Variants in TASP1 observed in about 807,000 individuals in gnomAD.
TASP1 encodes threonine aspartase 1.
Under a neutral mutation model 56.6 loss-of-function variants are expected in TASP1, and 16 were observed. The observed-to-expected ratio is 0.28, with a 90% CI of 0.19 to 0.43. The LOEUF is 0.43. Among genes scored for constraint, TASP1 ranks in the 20% least tolerant of loss-of-function variants. TASP1 has a pLI of 1.00. For synonymous variants in TASP1, 179 were observed against 184.2 expected, an observed-to-expected ratio of 0.97 and a Z score of 0.23; for missense variants, 393 against 511.6, an observed-to-expected ratio of 0.77 and a Z score of 2.24.
the TASP1 span, among the ~76,000 whole-genome samples, chr20:13,360,078 G>T: frequency 2.0e-5 from 3 of 152,048 alleles, no homozygotes; most frequent in African/African-American, 7.3e-5. Context: ...TTACAACTTA[G>T]TTCAGGATCT....
the TASP1 span, among the ~76,000 whole-genome samples, chr20:13,221,174 G>A: frequency 2.0e-5 from 3 of 151,590 alleles, no homozygotes; most frequent in Non-Finnish European, 2.9e-5. Flanking sequence ...GAGGGCGGGG[G>A]CGCCAAGCGT....
chr20:13,133,589 C>T, the TASP1 span, among the ~76,000 whole-genome samples: 1 of 152,060 alleles, frequency 6.6e-6, no homozygotes, highest in Non-Finnish European at 1.5e-5. Context: ...CAAAAATTAG[C>T]TGGGCATGGT....
chr20:13,300,368 A>G, the TASP1 span: 1 of 152,328 alleles, frequency 6.6e-6, no homozygotes, highest in East Asian at 1.9e-4. Flanking sequence ...ATACTATTTT[A>G]ACAATTTTTT....
chr20:13,485,059 C>A (rs893533874), intron 10 of TASP1, among the ~76,000 whole-genome samples: 15 of 152,160 alleles, frequency 9.9e-5, no homozygotes, highest in African/African-American at 3.6e-4. Flanking sequence ...GAGCAAACCA[C>A]CATGGCACAT....
chr20:13,423,514 A>G (rs988157458), intron 12 of TASP1, among the ~76,000 whole-genome samples: 3 of 152,236 alleles, frequency 2.0e-5, no homozygotes, highest in African/African-American at 7.2e-5. Context: ...AGTCTACAAG[A>G]TAGCTTGGCT....
intron 11 of TASP1, among the ~76,000 whole-genome samples, chr20:13,465,675 T>TA (rs1338714167): frequency 1.3e-5 from 2 of 152,112 alleles, no homozygotes; most frequent in Non-Finnish European, 2.9e-5. Flanking sequence ...GAACTACTGA[T>TA]ACACACCAAA....
At chr20:13,229,168 G>GT in the TASP1 span, among the ~76,000 whole-genome samples, 7 of 143,030 alleles carry the variant, frequency 4.9e-5, no homozygotes, top group African/African-American at 1.8e-4. Flanking sequence ...ATTTTTTAAA[G>GT]TTTTTTAAAA....
chr20:13,317,848 T>C, the TASP1 span, among the ~76,000 whole-genome samples: 1 of 152,052 alleles, frequency 6.6e-6, no homozygotes, highest in Non-Finnish European at 1.5e-5. Flanking sequence ...TCCTAGAAGA[T>C]AACATAGGAG....
chr20:13,580,222 G>A (rs2047071927), intron 6 of TASP1, among the ~76,000 whole-genome samples: 1 of 152,218 alleles, frequency 6.6e-6, no homozygotes, highest in Non-Finnish European at 1.5e-5. Flanking sequence ...CAAGGCAGGA[G>A]GATTGCTTGA....
chr20:13,419,126 A>G (rs1413111120), intron 12 of TASP1, among the ~76,000 whole-genome samples: 1 of 152,232 alleles, frequency 6.6e-6, no homozygotes, highest in African/African-American at 2.4e-5. Context: ...CATGACTTTG[A>G]TAACTGTACT....
At chr20:13,254,680 G>C in the TASP1 span, among the ~76,000 whole-genome samples, 19 of 152,174 alleles carry the variant, frequency 1.2e-4, no homozygotes, top group Non-Finnish European at 1.5e-5. Context: ...ATCACTCAGA[G>C]GCAGATGACT....
At chr20:13,147,798 A>G in the TASP1 span, among the ~76,000 whole-genome samples, 5 of 152,234 alleles carry the variant, frequency 3.3e-5, no homozygotes, top group East Asian at 9.6e-4. Context: ...CAGTGGTCAT[A>G]TGCTAAATAA....
chr20:13,393,892 TG>T (rs961904665), intron 13 of TASP1, among the ~76,000 whole-genome samples: 9 of 149,442 alleles, frequency 6.0e-5, no homozygotes, highest in East Asian at 2.0e-4. Flanking sequence ...AAAAAAGGTG[TG>T]GGGGGGAAAA....
At chr20:13,549,939 C>T (rs781271397) in intron 8 of TASP1, among the ~76,000 whole-genome samples, 1 of 152,056 alleles carries the variant, frequency 6.6e-6, no homozygotes, top group African/African-American at 2.4e-5. Context: ...AGGTTACTTC[C>T]GTTACAAAAC....
chr20:13,399,974 TA>T (rs909200543), intron 13 of TASP1, among the ~76,000 whole-genome samples: 4 of 152,216 alleles, frequency 2.6e-5, no homozygotes, highest in African/African-American at 9.6e-5. Context: ...CTTGCTCCCA[TA>T]AATCCTCCAA....
intron 5 of TASP1, 90 bp downstream of exon 5, chr20:13,587,160 A>G (rs1250128435): frequency 6.3e-6 from 9 of 1,427,786 alleles, no homozygotes; most frequent in East Asian, 4.8e-5. Context: ...CCAAGCAGAA[A>G]TGGTGAAAAA....
At chr20:13,178,800 C>A in the TASP1 span, among the ~76,000 whole-genome samples, 2 of 151,260 alleles carry the variant, frequency 1.3e-5, no homozygotes, top group East Asian at 3.9e-4. Context: ...TTGAAGGATA[C>A]AAAATTACAG....
chr20:13,189,457 A>G, the TASP1 span, among the ~76,000 whole-genome samples: 1 of 152,216 alleles, frequency 6.6e-6, no homozygotes, highest in African/African-American at 2.4e-5. Flanking sequence ...CCAAATTTAC[A>G]AGAGAAAAAC....
intron 4 of TASP1, among the ~76,000 whole-genome samples, chr20:13,596,112 C>T (rs187087623): frequency 2.0e-4 from 31 of 152,256 alleles, no homozygotes; most frequent in African/African-American, 6.0e-4. Context: ...GTCGCTCACG[C>T]CTGTAATCCC....
Sources: gnomAD v4.1 joint callset for allele counts (sites outside exome capture counted in the v4.1 genomes callset) on GRCh38, gnomAD v4.1.1 for gene constraint, MANE v1.5 for transcripts, NCBI Gene and HGNC (gene_info 2026-07-23, HGNC 2026-07-21) for gene names.